SGMS2: variants seen among roughly 807,000 people sequenced by gnomAD.
SGMS2 encodes sphingomyelin synthase 2, also known as phosphatidylcholine:ceramide cholinephosphotransferase 2.
A neutral mutation model predicts 43.8 loss-of-function variants in SGMS2; 21 were observed. The ratio of observed to expected loss-of-function variants is 0.48; its 90% CI spans 0.34 to 0.69. The LOEUF is 0.69. Ranked by LOEUF, SGMS2 falls within the 30% of genes least tolerant of loss-of-function variation. SGMS2 has a pLI of 0.01. For missense variants in SGMS2, 384 were observed against 443.2 expected (o/e 0.87, Z 1.20); for synonymous variants, 167 against 160.6 (o/e 1.04, Z -0.30).
intron 6 of SGMS2, among the ~76,000 whole-genome samples, chr4:107,909,604 C>T (rs1731936693): frequency 6.6e-6 from 1 of 152,162 alleles, no homozygotes; most frequent in Non-Finnish European, 1.5e-5. Flanking sequence ...CAAATGCCAC[C>T]TCTTCCAGGA....
intron 1 of SGMS2, among the ~76,000 whole-genome samples, chr4:107,849,173 A>C (rs1336404211): frequency 1.3e-5 from 2 of 152,042 alleles, no homozygotes; most frequent in Non-Finnish European, 2.9e-5. Context: ...TCCCTCTGTA[A>C]ACCTTTCATG....
intron 2 of SGMS2, among the ~76,000 whole-genome samples, chr4:107,877,918 T>TC (rs35210448): frequency 0.027 from 3,786 of 139,136 alleles, 120 homozygotes; most frequent in East Asian, 0.099. Flanking sequence ...CTTTTCTTTT[T>TC]TTTTTTTTTT....
chr4:107,901,866 C>T (rs1731134756), intron 4 of SGMS2, among the ~76,000 whole-genome samples: 1 of 151,726 alleles, frequency 6.6e-6, no homozygotes, highest in South Asian at 2.1e-4. Context: ...AGCTATCCCT[C>T]ATCTTGGCCA....
chr4:107,876,452 T>C (rs1728916869), intron 2 of SGMS2, among the ~76,000 whole-genome samples: 1 of 152,208 alleles, frequency 6.6e-6, no homozygotes, highest in South Asian at 2.1e-4. Flanking sequence ...TAACTTTGCT[T>C]AAATCTCAAA....
At chr4:107,888,778 A>G (rs535665480) in intron 2 of SGMS2, among the ~76,000 whole-genome samples, 256 of 152,208 alleles carry the variant, frequency 1.7e-3, no homozygotes, top group Middle Eastern at 3.4e-3. Context: ...AATATATTTT[A>G]TTGGAAAATA....
intron 2 of SGMS2, among the ~76,000 whole-genome samples, chr4:107,883,408 A>C (rs1164758968): frequency 6.6e-6 from 1 of 152,130 alleles, no homozygotes; most frequent in African/African-American, 2.4e-5. Flanking sequence ...TCTGCCTCCC[A>C]GGTTGGAGGG....
At chr4:107,889,759 A>T (rs1730053803) in intron 2 of SGMS2, among the ~76,000 whole-genome samples, 1 of 152,224 alleles carries the variant, frequency 6.6e-6, no homozygotes, top group Non-Finnish European at 1.5e-5. Flanking sequence ...ATTAAAGGAA[A>T]CAACTCAGGT....
At chr4:107,891,298 GA>G (rs1730197235) in intron 2 of SGMS2, among the ~76,000 whole-genome samples, 1 of 137,572 alleles carries the variant, frequency 7.3e-6, no homozygotes, top group African/African-American at 2.9e-5. Context: ...ACAAGAAAAA[GA>G]GAAACAATAA....
At position 107,895,994 on chromosome 4, in the gene SGMS2, G is replaced by A; in HGVS notation, c.441G>A (p.Leu147=). The A allele has an allele frequency of 6.2e-7, 1 of 1,609,158 alleles. No homozygotes were observed. The highest frequency in any genetic ancestry group is 2.2e-5 in the East Asian group (1 of 44,752). The stretch of plus-strand genomic sequence containing the variant: ...TTGGATTATGGATCACCCAGTGGCT[G>A]TTTCTGAGATACAAGTAAGTAAATC... ...ILVGLWITQW[L]FLRYKSIVGR... is the part of the protein sequence containing the mutation. Residue 147 remains leucine (L), a synonymous_variant, in exon 3 of 7, where the codon CTG becomes CTA. Coordinates refer to ENST00000690982, the MANE Select transcript of SGMS2 (RefSeq NM_001375905.1).
At chr4:107,839,904 T>A (rs188029521) in intron 1 of SGMS2, among the ~76,000 whole-genome samples, 13 of 152,324 alleles carry the variant, frequency 8.5e-5, no homozygotes, top group Admixed American at 8.5e-4. Context: ...CTTTATTCTA[T>A]AATAATTAAG....
chr4:107,847,843 G>C (rs1726920068), intron 1 of SGMS2, among the ~76,000 whole-genome samples: 1 of 152,128 alleles, frequency 6.6e-6, no homozygotes, highest in Non-Finnish European at 1.5e-5. Flanking sequence ...AAAGTACTGA[G>C]TTCCCATAAG....
chr4:107,883,585 A>G (rs1368736464), intron 2 of SGMS2, among the ~76,000 whole-genome samples: 1 of 152,166 alleles, frequency 6.6e-6, no homozygotes, highest in East Asian at 1.9e-4. Flanking sequence ...TTTTCTTCTT[A>G]TATGGTATTT....
At chr4:107,907,855 G>A (rs1268459009) in intron 5 of SGMS2, 1 of 152,178 alleles carries the variant, frequency 6.6e-6, no homozygotes, top group Non-Finnish European at 1.5e-5. Context: ...GTGAGAAGGG[G>A]AGGACCATCA....
chr4:107,826,200 T>A lies in SGMS2; in HGVS notation c.-327+947T>A, dbSNP rs1409513638. On this transcript the variant is annotated intron_variant, in intron 1 of 6. Transcript: ENST00000690982. ...TTAAAGCGCAAAAGACTTCTCATAA[T>A]GTCTGGTACAAAGCAGACCCCAACA... 4.6e-5 allele frequency among the ~76,000 whole-genome samples: 7 copies of A among 152,238 alleles called. No individual in the cohort carries two copies. In the East Asian group the frequency reaches 1.3e-3, roughly 29 times the overall value.
chr4:107,899,416 A>G (rs2126131231), intron 3 of SGMS2, among the ~76,000 whole-genome samples, 159 bp from the exon 4 acceptor site: 1 of 152,256 alleles, frequency 6.6e-6, no homozygotes, highest in South Asian at 2.1e-4. Flanking sequence ...GGGATGGGCA[A>G]CTCAAAAGTA....
intron 1 of SGMS2, among the ~76,000 whole-genome samples, chr4:107,847,060 G>A (rs1726870339): frequency 6.6e-6 from 1 of 151,932 alleles, no homozygotes. Flanking sequence ...CCATTTTGTA[G>A]GTTGCCTGTT....
chr4:107,892,233 C>CAAAAAA (rs1730285748), intron 2 of SGMS2, among the ~76,000 whole-genome samples: 1 of 63,324 alleles, frequency 1.6e-5, no homozygotes. Context: ...AACTAAAACT[C>CAAAAAA]CAAAAAAAAA....
chr4:107,843,038 T>G (rs1726612363), intron 1 of SGMS2, among the ~76,000 whole-genome samples: 2 of 152,226 alleles, frequency 1.3e-5, no homozygotes, highest in South Asian at 4.1e-4. Flanking sequence ...GCCCCTACTT[T>G]GAGATGGCCC....
intron 2 of SGMS2, among the ~76,000 whole-genome samples, chr4:107,876,812 T>A (rs374551767): frequency 1.6e-4 from 24 of 152,318 alleles, no homozygotes; most frequent in African/African-American, 5.5e-4. Context: ...CAAGGAAATA[T>A]ACTGTTGACT....
Sources: allele counts gnomAD v4.1 joint callset (sites outside exome capture counted in the v4.1 genomes callset), GRCh38; gene constraint gnomAD v4.1.1; transcripts MANE v1.5; gene names NCBI Gene and HGNC (gene_info 2026-07-23, HGNC 2026-07-21).